The following NBEA variants were observed in gnomAD, a reference collection of about 807,000 sequenced individuals.
NBEA encodes the protein lysosomal-trafficking regulator 2.
Under a neutral mutation model 343.4 loss-of-function variants are expected in NBEA, and 44 were observed. The ratio of observed to expected loss-of-function variants is 0.13; its 90% CI spans 0.10 to 0.16. The LOEUF is 0.16. NBEA is among the 10% of genes least tolerant of loss of function. NBEA has a pLI of 1.00. For missense variants in NBEA, 2,555 were observed against 3,631.3 expected (o/e 0.70, Z 7.62); for synonymous variants, 1,175 against 1,238.7 (o/e 0.95, Z 1.08).
intron 45 of NBEA, among the ~76,000 whole-genome samples, chr13:35,574,197 C>T: frequency 6.6e-6 from 1 of 151,542 alleles, no homozygotes; most frequent in East Asian, 1.9e-4. Context: ...TTGCTTTACC[C>T]TCACAACGCT....
At chr13:34,975,642 A>C (rs1215283476) in intron 1 of NBEA, among the ~76,000 whole-genome samples, 1 of 152,204 alleles carries the variant, frequency 6.6e-6, no homozygotes, top group Non-Finnish European at 1.5e-5. Flanking sequence ...CAGTTAACAG[A>C]AAACCCACAG....
intron 44 of NBEA, among the ~76,000 whole-genome samples, chr13:35,565,181 T>A (rs2080074915): frequency 1.3e-5 from 2 of 152,164 alleles, no homozygotes; most frequent in African/African-American, 2.4e-5. Flanking sequence ...TACCCACACC[T>A]ATATTACATA....
intron 30 of NBEA, among the ~76,000 whole-genome samples, chr13:35,191,767 G>A (rs1199100248): frequency 6.6e-6 from 1 of 151,990 alleles, no homozygotes; most frequent in South Asian, 2.1e-4. Flanking sequence ...CTAACAAGGT[G>A]CTGTATGTTT....
chr13:35,533,322 C>T (rs1594901555), intron 41 of NBEA, among the ~76,000 whole-genome samples: 1 of 152,098 alleles, frequency 6.6e-6, no homozygotes, highest in Non-Finnish European at 1.5e-5. Context: ...GAAAATGTCA[C>T]CCTCTCAATG....
intron 22 of NBEA, 102 bp downstream of exon 22, chr13:35,160,134 T>G: frequency 9.4e-7 from 1 of 1,065,394 alleles, no homozygotes; most frequent in Admixed American, 3.0e-5. Context: ...ATGTTTATAT[T>G]GAATTATAGT....
chr13:35,608,957 C>G (rs2082396329), intron 48 of NBEA, among the ~76,000 whole-genome samples: 1 of 152,184 alleles, frequency 6.6e-6, no homozygotes, highest in Non-Finnish European at 1.5e-5. Flanking sequence ...AGTATGCCAG[C>G]TACCTCTGAT....
intron 38 of NBEA, among the ~76,000 whole-genome samples, chr13:35,373,092 G>C (rs917981855): frequency 3.9e-5 from 6 of 152,134 alleles, no homozygotes; most frequent in African/African-American, 1.4e-4. Flanking sequence ...GCCACTGGGG[G>C]TCTCTCACCC....
intron 1 of NBEA, among the ~76,000 whole-genome samples, chr13:35,027,894 G>T (rs1383052904): frequency 1.3e-5 from 2 of 151,860 alleles, no homozygotes; most frequent in Non-Finnish European, 2.9e-5. Flanking sequence ...TTTTTGGCCT[G>T]TTGATAACCA....
At chr13:35,044,264 G>A (rs2062762660) in intron 2 of NBEA, among the ~76,000 whole-genome samples, 1 of 152,120 alleles carries the variant, frequency 6.6e-6, no homozygotes, top group South Asian at 2.1e-4. Context: ...TCTACCACTT[G>A]CTAGGTCTAT....
At chr13:35,254,824 T>G (rs2032403003) in intron 34 of NBEA, among the ~76,000 whole-genome samples, 1 of 152,098 alleles carries the variant, frequency 6.6e-6, no homozygotes, top group Admixed American at 6.5e-5. Flanking sequence ...ATATCCAAAA[T>G]TTCAAATTGG....
At chr13:35,101,422 G>T (rs1264116159) in intron 11 of NBEA, among the ~76,000 whole-genome samples, 2 of 151,622 alleles carry the variant, frequency 1.3e-5, no homozygotes, top group East Asian at 3.9e-4. Flanking sequence ...TGCATTTTTG[G>T]GATGACTAGT....
intron 17 of NBEA, among the ~76,000 whole-genome samples, chr13:35,133,878 C>T (rs2067567242): frequency 6.6e-6 from 1 of 151,362 alleles, no homozygotes; most frequent in South Asian, 2.1e-4. Context: ...GACAGGTATC[C>T]AGAAATACTT....
At chr13:35,149,105 T>C (rs1052379287) in intron 18 of NBEA, among the ~76,000 whole-genome samples, 26 of 152,342 alleles carry the variant, frequency 1.7e-4, no homozygotes, top group Admixed American at 1.4e-3. Flanking sequence ...GTGTCAATCA[T>C]TCCACAAATC....
intron 49 of NBEA, among the ~76,000 whole-genome samples, chr13:35,642,985 A>G (rs1308380459): frequency 6.6e-6 from 1 of 151,512 alleles, no homozygotes; most frequent in African/African-American, 2.4e-5. Flanking sequence ...GTTAAATCTC[A>G]CTGACCCTTG....
At chr13:35,048,530 G>T in intron 4 of NBEA, 33 bp from the exon 5 acceptor site, 2 of 1,584,924 alleles carry the variant, frequency 1.3e-6, no homozygotes, top group Admixed American at 1.8e-5. Flanking sequence ...TTCTTTAACT[G>T]ATACTTTCGT....
At chr13:35,349,504 A>G (rs958878230) in intron 37 of NBEA, among the ~76,000 whole-genome samples, 1 of 152,072 alleles carries the variant, frequency 6.6e-6, no homozygotes, top group Non-Finnish European at 1.5e-5. Flanking sequence ...ATAATGCAAC[A>G]ATTTTAGTTA....
chr13:35,239,193 A>G (rs1029357175), intron 34 of NBEA, among the ~76,000 whole-genome samples: 4 of 152,106 alleles, frequency 2.6e-5, no homozygotes, highest in Non-Finnish European at 4.4e-5. Flanking sequence ...TACAAGAACA[A>G]TGAATGGACA....
At chr13:35,048,851 A>G (rs2062959199) in intron 5 of NBEA, among the ~76,000 whole-genome samples, 167 bp downstream of exon 5, 1 of 151,844 alleles carries the variant, frequency 6.6e-6, no homozygotes, top group Non-Finnish European at 1.5e-5. Flanking sequence ...GTATATATGC[A>G]TTTATTTTGC....
At chr13:35,431,489 C>A (rs2045106545) in intron 38 of NBEA, among the ~76,000 whole-genome samples, 1 of 152,020 alleles carries the variant, frequency 6.6e-6, no homozygotes, top group Non-Finnish European at 1.5e-5. Flanking sequence ...CTATTTCCAT[C>A]ATTTCTGAAA....
Sources: allele counts gnomAD v4.1 joint callset (sites outside exome capture counted in the v4.1 genomes callset), GRCh38; gene constraint gnomAD v4.1.1; transcripts MANE v1.5; gene names NCBI Gene and HGNC (gene_info 2026-07-23, HGNC 2026-07-21).